RGS3: variants seen among roughly 807,000 people sequenced by gnomAD.
RGS3 encodes the protein regulator of G-protein signalling 3.
RGS3 carries 80 observed loss-of-function variants against 132.6 expected under a neutral mutation model. That is an observed-to-expected ratio of 0.60 (90% CI 0.50 to 0.73). RGS3 has a LOEUF of 0.73. RGS3 is among the 30% of genes least tolerant of loss of function. The pLI is 0.00. For synonymous variants in RGS3, 598 were observed against 620.6 expected, an observed-to-expected ratio of 0.96 and a Z score of 0.54; for missense variants, 1,382 against 1,530.8, an observed-to-expected ratio of 0.90 and a Z score of 1.62.
intron 14 of RGS3, among the ~76,000 whole-genome samples, chr9:113,509,991 C>T (rs1050420553): frequency 1.3e-5 from 2 of 151,976 alleles, no homozygotes; most frequent in Non-Finnish European, 1.5e-5. Context: ...TATTTGGTTA[C>T]GTAAGATTTT....
chr9:113,579,058 G>A lies in RGS3; in HGVS notation c.2038-4392G>A, dbSNP rs995975401. 7.3e-5 allele frequency among the ~76,000 whole-genome samples: 11 copies of A among 150,988 alleles called. No homozygotes were observed. The highest frequency in any genetic ancestry group is 4.4e-5 in the Non-Finnish European group (3 of 67,832). ...GGCTGTTAAGGGCCACCCTGAGACA[G>A]AGGCAAACCCCAGTTTACACCCCCC... On this transcript the variant is annotated intron_variant, in intron 19 of 24. Coordinates refer to ENST00000350696, the Ensembl canonical transcript of RGS3. The surrounding 1 kb of genome is among the most constrained non-coding windows in gnomAD (Gnocchi z 4.3).
intron 3 of RGS3, among the ~76,000 whole-genome samples, chr9:113,472,739 T>C (rs1438217298): frequency 6.6e-6 from 1 of 152,056 alleles, no homozygotes; most frequent in African/African-American, 2.4e-5. Context: ...TAAAAGAAAA[T>C]TACATGCTTT....
At chr9:113,535,332 C>A (rs928310916) in intron 18 of RGS3, among the ~76,000 whole-genome samples, 1 of 152,110 alleles carries the variant, frequency 6.6e-6, no homozygotes, top group Non-Finnish European at 1.5e-5. Flanking sequence ...TGCCACCACG[C>A]TGGCTAATTT....
chr9:113,500,408 T>G (rs915690119), intron 10 of RGS3, among the ~76,000 whole-genome samples: 2 of 152,196 alleles, frequency 1.3e-5, no homozygotes, highest in Non-Finnish European at 2.9e-5. Context: ...CCAGGGGCTC[T>G]GAGATGGGCA....
In RGS3 at chr9:113,463,584, G is replaced by GCCGCCCCC; in HGVS notation, c.415+1385_415+1386insGCCCCCCC. The GCCGCCCCC allele has an allele frequency of 1.2e-6, 1 of 805,578 alleles. No individual in the cohort carries two copies. Among genetic ancestry groups the GCCGCCCCC allele is most frequent in the Non-Finnish European group, 1.7e-6 (1 of 588,906 alleles). 49.9% of individuals were successfully genotyped at this position (805,578 alleles called of 1,614,324 possible). ...CTGCTCAGCGCGGGTCGGCGGCGCC[G>GCCGCCCCC]CCTCCCCCACCCCGGCCCAGCTCTG... On this transcript the variant is annotated intron_variant, in intron 3 of 24. Coordinates refer to ENST00000350696, the Ensembl canonical transcript of RGS3. This position sits in a 1 kb window ranked among gnomAD's most constrained non-coding sequence, Gnocchi z 4.6.
intron 19 of RGS3, chr9:113,581,169 G>C (rs1325350149): frequency 5.4e-6 from 1 of 185,234 alleles, no homozygotes; most frequent in East Asian, 1.9e-4. Flanking sequence ...TTTGTTCATG[G>C]GGACAGAGAT....
At chr9:113,445,822 T>A (rs1173853259) in intron 1 of RGS3, among the ~76,000 whole-genome samples, 2 of 151,962 alleles carry the variant, frequency 1.3e-5, no homozygotes, top group Non-Finnish European at 2.9e-5. Flanking sequence ...GGGTTTACAG[T>A]CATGTGCCAC....
At chr9:113,469,042 A>ATTTT (rs145400431) in intron 3 of RGS3, among the ~76,000 whole-genome samples, 4 of 102,128 alleles carry the variant, frequency 3.9e-5, no homozygotes, top group African/African-American at 7.6e-5. Context: ...TTTGCTCAGC[A>ATTTT]TTTTTTTTTT....
At chr9:113,497,278 C>G (rs1471921705) in intron 8 of RGS3, 36 bp from the exon 7 acceptor site, 1 of 1,550,294 alleles carries the variant, frequency 6.5e-7, no homozygotes, top group Non-Finnish European at 8.9e-7. Context: ...CTTCTGCCTC[C>G]TGTGTCTGAG....
intron 10 of RGS3, among the ~76,000 whole-genome samples, chr9:113,504,506 C>T (rs989286794): frequency 2.0e-5 from 3 of 152,208 alleles, no homozygotes; most frequent in Non-Finnish European, 2.9e-5. Flanking sequence ...CCAAGCATGG[C>T]GTCCATAGTC....
chr9:113,586,983 C>T (rs1024648084), intron 20 of RGS3, among the ~76,000 whole-genome samples: 3 of 152,274 alleles, frequency 2.0e-5, no homozygotes, highest in South Asian at 4.1e-4. Flanking sequence ...GGGAGAAGAG[C>T]AGTAACCAGG....
intron 7 of RGS3, among the ~76,000 whole-genome samples, chr9:113,485,990 C>T (rs968330486): frequency 1.1e-4 from 16 of 152,284 alleles, no homozygotes; most frequent in African/African-American, 3.1e-4. Context: ...CCACTGTTCA[C>T]GTGGGGACAC....
At chr9:113,542,669 C>T (rs1280184325) in intron 19 of RGS3, among the ~76,000 whole-genome samples, 1 of 152,158 alleles carries the variant, frequency 6.6e-6, no homozygotes, top group African/African-American at 2.4e-5. Context: ...TTGGCCAGGC[C>T]TCGTGGGGGA....
rs187420444 is a variant in RGS3 at position 113,536,437 on chromosome 9, G to A, written c.1915-359G>A. The A allele has an allele frequency of 6.5e-3, 6,498 of 992,116 alleles. 17 individuals carry two copies. The highest frequency in any genetic ancestry group is 7.3e-3 in the Non-Finnish European group (6,079 of 829,498). The allele number at this position is 992,116 out of a possible 1,614,324, so 61.5% of individuals were successfully genotyped here. ...CACAGAGAATCAGCCTGAGGCCCTG[G>A]CCCTCTGGGCTTCCCACGTGCTCCC... On this transcript the variant is annotated intron_variant, in intron 18 of 24. Transcript: ENST00000350696.
Position 113,565,520 on chromosome 9 carries a change from A to G in RGS3, c.2038-17930A>G. On this transcript the variant is annotated intron_variant, in intron 19 of 24. Transcript: ENST00000350696. This position sits in a 1 kb window ranked among gnomAD's most constrained non-coding sequence, Gnocchi z 5.7. ...TTTGGTTCTGCTTTTCCTAGCAGGT[A>G]TCGCTCCCCTGGGGAACTTGGGTAA... 1.9e-6 allele frequency: 1 copy of G among 523,284 alleles called. No homozygotes were observed. Among genetic ancestry groups the G allele is most frequent in the Non-Finnish European group, 3.1e-6 (1 of 323,032 alleles). The allele number at this position is 523,284 out of a possible 1,614,324, so 32.4% of individuals were successfully genotyped here.
At chr9:113,524,263 G>T (rs1411855124) in intron 17 of RGS3, among the ~76,000 whole-genome samples, 1 of 152,094 alleles carries the variant, frequency 6.6e-6, no homozygotes, top group Non-Finnish European at 1.5e-5. Flanking sequence ...CCATTCTCCA[G>T]CCTGCAGTGT....
chr9:113,573,538 A>C (rs1398283654), intron 19 of RGS3, among the ~76,000 whole-genome samples: 1 of 152,202 alleles, frequency 6.6e-6, no homozygotes, highest in Non-Finnish European at 1.5e-5. Context: ...GGCTGACCTC[A>C]TGACTGCAGT....
At chr9:113,491,800 T>A (rs2119258958) in intron 7 of RGS3, among the ~76,000 whole-genome samples, 1 of 151,788 alleles carries the variant, frequency 6.6e-6, no homozygotes, top group East Asian at 1.9e-4. Flanking sequence ...GTGATCTGCC[T>A]GCCTTGGCCT....
rs1330117539 is a variant in RGS3 at position 113,507,220 on chromosome 9, G to A, written c.1086-67G>A. 2.3e-6 allele frequency: 3 copies of A among 1,302,614 alleles called. No individual in the cohort carries two copies. Among genetic ancestry groups the A allele is most frequent in the African/African-American group, 1.4e-5 (1 of 69,224 alleles). The allele number at this position is 1,302,614 out of a possible 1,614,324, so 80.7% of individuals were successfully genotyped here. ...CCCCATTATCCTCTCTGCCCTGTGG[G>A]CCCTCACTCTGGCTGATACTGGCTT... On this transcript the variant is annotated intron_variant, in intron 12 of 24. Coordinates refer to ENST00000350696, the Ensembl canonical transcript of RGS3. The surrounding 1 kb of genome is among the most constrained non-coding windows in gnomAD (Gnocchi z 5.0).
Sources: allele counts gnomAD v4.1 joint callset (sites outside exome capture counted in the v4.1 genomes callset), GRCh38; gene constraint gnomAD v4.1.1; non-coding constraint Gnocchi (gnomAD v3.1); transcripts MANE v1.5; gene names NCBI Gene and HGNC (gene_info 2026-07-23, HGNC 2026-07-21).